KIAA0586: variants seen among roughly 807,000 people sequenced by gnomAD.
The protein encoded by KIAA0586 is KIAA0586, also known as protein TALPID3.
A neutral mutation model predicts 169.8 loss-of-function variants in KIAA0586; 144 were observed. That is an observed-to-expected ratio of 0.85 (90% CI 0.74 to 0.97). KIAA0586 has a LOEUF of 0.97. Among genes scored for constraint, KIAA0586 ranks in the 50% least tolerant of loss-of-function variants. The pLI is 0.00. For synonymous variants in KIAA0586, 625 were observed against 612.4 expected, an observed-to-expected ratio of 1.02 and a Z score of -0.30; for missense variants, 1,854 against 1,823.0, an observed-to-expected ratio of 1.02 and a Z score of -0.31.
rs865905035 is a variant in KIAA0586 at position 58,442,774 on chromosome 14, A to T, written c.479A>T (p.Asp160Val). 1 of 1,601,184 alleles carries T rather than the reference A, an allele frequency of 6.2e-7. No individual in the cohort carries two copies. Among genetic ancestry groups the T allele is most frequent in the Admixed American group, 1.7e-5 (1 of 57,870 alleles). Residue 160 changes from aspartate (D) to valine (V), a missense_variant, in exon 5 of 31, where the codon GAT becomes GTT. Physicochemically the swap from Asp to Val is radical, Grantham distance 152. Coordinates refer to ENST00000652326, the MANE Select transcript of KIAA0586 (RefSeq NM_001329943.3). Reference sequence around the variant, plus strand: ...TTAGAAGATGCAGGCATAGAGAAGGATGCTGTTACTCAGGAGACTAGAATT... The same window carrying T: ...TTAGAAGATGCAGGCATAGAGAAGGTTGCTGTTACTCAGGAGACTAGAATT... ...HLLEDAGIEK[D>V]AVTQETRISP... is the part of the protein sequence containing the mutation.
chr14:58,558,281 CAGAG>C, the KIAA0586 span, among the ~76,000 whole-genome samples: 1 of 152,110 alleles, frequency 6.6e-6, no homozygotes, highest in African/African-American at 2.4e-5. Flanking sequence ...TGGAGGATAA[CAGAG>C]AGTATCTGCC....
chr14:58,547,729 G>C, intron 30 of KIAA0586, 52 bp from the exon 31 acceptor site: 3 of 1,357,746 alleles, frequency 2.2e-6, no homozygotes, highest in East Asian at 2.6e-5. Context: ...CATAAAGCAC[G>C]TAAATACTCA....
At chr14:58,452,249 A>G (rs1351251636) in intron 8 of KIAA0586, among the ~76,000 whole-genome samples, 1 of 152,180 alleles carries the variant, frequency 6.6e-6, no homozygotes, top group African/African-American at 2.4e-5. Context: ...CATGTAACCA[A>G]ATACCACCTG....
the KIAA0586 span, among the ~76,000 whole-genome samples, chr14:58,556,933 CG>C: frequency 6.6e-6 from 1 of 151,942 alleles, no homozygotes; most frequent in Non-Finnish European, 1.5e-5. Flanking sequence ...TTAGTAGAGA[CG>C]GGGTTTCTCC....
chr14:58,512,762 T>G (rs970131845), intron 29 of KIAA0586, 135 bp downstream of exon 29: 6 of 550,430 alleles, frequency 1.1e-5, no homozygotes, highest in Admixed American at 4.0e-5. Flanking sequence ...TCTCATTTAG[T>G]CCATTTACAT....
chr14:58,455,713 T>C (rs2039776423), intron 9 of KIAA0586, among the ~76,000 whole-genome samples: 1 of 151,954 alleles, frequency 6.6e-6, no homozygotes, highest in Admixed American at 6.6e-5. Context: ...TGCGAGTGCA[T>C]GCACATGCAT....
intron 30 of KIAA0586, among the ~76,000 whole-genome samples, chr14:58,542,217 G>A (rs543557903): frequency 1.3e-5 from 2 of 151,964 alleles, no homozygotes; most frequent in Non-Finnish European, 2.9e-5. Context: ...AGTGGCTCAC[G>A]CCTGTAATCC....
At chr14:58,502,218 C>T (rs1017432615) in intron 27 of KIAA0586, among the ~76,000 whole-genome samples, 2 of 152,116 alleles carry the variant, frequency 1.3e-5, no homozygotes, top group Non-Finnish European at 2.9e-5. Flanking sequence ...TCACTGCAAC[C>T]TCTGCCTCCT....
At chr14:58,482,253 C>T (rs368049722) in intron 20 of KIAA0586, among the ~76,000 whole-genome samples, 74 of 151,878 alleles carry the variant, frequency 4.9e-4, no homozygotes, top group African/African-American at 1.8e-3. Context: ...TGGTGAAACC[C>T]CATCTCTACT....
intron 29 of KIAA0586, among the ~76,000 whole-genome samples, chr14:58,533,976 C>A (rs2046138628): frequency 6.6e-6 from 1 of 152,080 alleles, no homozygotes; most frequent in South Asian, 2.1e-4. Context: ...CAGGTCTGGC[C>A]TTAGGGAAGT....
Position 58,459,896 on chromosome 14 carries a change from G to A in KIAA0586, c.1710G>A (p.Gln570=). 3.3e-6 allele frequency: 5 copies of A among 1,533,928 alleles called. No individual in the cohort carries two copies. Among genetic ancestry groups the A allele is most frequent in the Non-Finnish European group, 4.4e-6 (5 of 1,145,882 alleles). ...AAAAAAGATTTGATCAGAAGAATCAGAGAACCAAGAAAGGTCAGAATATGA... is the reference window on the plus strand; with the variant it reads ...AAAAAAGATTTGATCAGAAGAATCAAAGAACCAAGAAAGGTCAGAATATGA... ...YEQKRFDQKN[Q]RTKKGQNMTK... is the part of the protein sequence containing the mutation. Residue 570 remains glutamine, a synonymous_variant, in exon 13 of 31, where the codon CAG becomes CAA. Coordinates refer to ENST00000652326, the MANE Select transcript of KIAA0586 (RefSeq NM_001329943.3).
At chr14:58,529,076 C>A (rs370643168) in intron 29 of KIAA0586, among the ~76,000 whole-genome samples, 1 of 152,144 alleles carries the variant, frequency 6.6e-6, no homozygotes, top group Non-Finnish European at 1.5e-5. Context: ...ACTATAAACA[C>A]CTCTACACAA....
At chr14:58,450,096 G>A (rs2039237534) in intron 7 of KIAA0586, among the ~76,000 whole-genome samples, 1 of 152,018 alleles carries the variant, frequency 6.6e-6, no homozygotes, top group Admixed American at 6.6e-5. Context: ...CAATCTACTT[G>A]ACCATTATCC....
chr14:58,437,643 G>A (rs2037936353), intron 4 of KIAA0586, among the ~76,000 whole-genome samples: 2 of 149,420 alleles, frequency 1.3e-5, no homozygotes, highest in Non-Finnish European at 3.0e-5. Flanking sequence ...AGAGGTTGAG[G>A]CTGCAGTGAG....
At chr14:58,429,315 A>G (rs1388123922) in intron 1 of KIAA0586, 48 bp from the exon 2 acceptor site, 1 of 1,130,216 alleles carries the variant, frequency 8.8e-7, no homozygotes, top group African/African-American at 1.5e-5. Flanking sequence ...TTCTAAAGCT[A>G]AGGATCTGAT....
intron 14 of KIAA0586, among the ~76,000 whole-genome samples, chr14:58,462,468 G>A (rs1423744979): frequency 6.6e-6 from 1 of 151,796 alleles, no homozygotes; most frequent in East Asian, 1.9e-4. Context: ...GGCCAGGCTC[G>A]TCTTGAACTC....
In KIAA0586 at chr14:58,530,482, AC is replaced by A. The variant is rs527446471; in HGVS notation, c.4430-9587del. Among the ~76,000 whole-genome samples the A allele has an allele frequency of 1.3e-3, 194 of 152,370 alleles. 4 individuals carry two copies. In the East Asian group the frequency reaches 0.016, roughly 12 times the overall value. ...GTAACCAAAACAGCATGGTACTGGT[AC>A]CAAAACAGATATATAGACCAATGGA... On this transcript the variant is annotated intron_variant, in intron 29 of 30. Transcript: ENST00000652326.
intron 29 of KIAA0586, among the ~76,000 whole-genome samples, chr14:58,528,673 C>T (rs547878408): frequency 3.2e-4 from 49 of 152,284 alleles, no homozygotes; most frequent in African/African-American, 1.1e-3. Context: ...AAAGACACAA[C>T]GTACCAGAAT....
chr14:58,479,850 A>G lies in KIAA0586; in HGVS notation c.2944+2609A>G, dbSNP rs780360910. Among the ~76,000 whole-genome samples, 2 of 152,162 alleles carry G rather than the reference A, an allele frequency of 1.3e-5. 1 individual carries two copies. The highest frequency in any genetic ancestry group is 4.1e-4 in the South Asian group (2 of 4,834). ...AAATCAATTGGTTATATATGTGTGC[A>G]TCTTGTTTTTGGACTTTGTATCCTG... On this transcript the variant is annotated intron_variant, in intron 20 of 30. Transcript: ENST00000652326.
Sources: allele counts gnomAD v4.1 joint callset (sites outside exome capture counted in the v4.1 genomes callset), GRCh38; gene constraint gnomAD v4.1.1; transcripts MANE v1.5; gene names NCBI Gene and HGNC (gene_info 2026-07-23, HGNC 2026-07-21).